LDB3: variants seen among roughly 807,000 people sequenced by gnomAD.
The protein encoded by LDB3 is LIM domain binding 3.
LDB3 carries 49 observed loss-of-function variants against 69.0 expected under a neutral mutation model. The ratio of observed to expected loss-of-function variants is 0.71; its 90% CI spans 0.56 to 0.90. The LOEUF (loss-of-function observed/expected upper bound fraction) is 0.90, where lower values mean the gene tolerates loss of function less well. LDB3 is among the 40% of genes least tolerant of loss of function. The probability of loss-of-function intolerance (pLI) is 0.00; values close to 1 mark genes in which losing one functional copy is unlikely to be tolerated. For synonymous variants in LDB3, 387 were observed against 396.2 expected, an observed-to-expected ratio of 0.98 and a Z score of 0.28; for missense variants, 928 against 974.1, an observed-to-expected ratio of 0.95 and a Z score of 0.63.
intron 13 of LDB3, among the ~76,000 whole-genome samples, chr10:86,729,377 C>T (rs1452301522): frequency 3.9e-5 from 6 of 152,218 alleles, no homozygotes; most frequent in Non-Finnish European, 8.8e-5. Flanking sequence ...AAGGGTCCGA[C>T]CTTAGTGGAG....
chr10:86,731,839 C>CT (rs35644119), intron 13 of LDB3, among the ~76,000 whole-genome samples: 36 of 145,958 alleles, frequency 2.5e-4, no homozygotes, highest in South Asian at 8.7e-4. Context: ...TGATTGAATA[C>CT]TTTTTTTTTT....
intron 13 of LDB3, chr10:86,732,454 G>A: frequency 2.2e-6 from 1 of 454,580 alleles, no homozygotes; most frequent in East Asian, 7.0e-5. Flanking sequence ...CATAGTGGGA[G>A]AAATAGGCTG....
At chr10:86,695,756 T>C (rs1845967633) in intron 7 of LDB3, among the ~76,000 whole-genome samples, 1 of 152,132 alleles carries the variant, frequency 6.6e-6, no homozygotes, top group African/African-American at 2.4e-5. Context: ...AGGGCCCTGA[T>C]CACTCAAAAG....
At chr10:86,716,920 C>T (rs1846900785) in intron 10 of LDB3, 149 bp downstream of exon 10, 1 of 834,198 alleles carries the variant, frequency 1.2e-6, no homozygotes, top group African/African-American at 1.7e-5. Context: ...GCCATCTGGT[C>T]TTACCTCTCT....
chr10:86,693,402 G>A (rs1448983871), intron 7 of LDB3, among the ~76,000 whole-genome samples: 3 of 152,248 alleles, frequency 2.0e-5, no homozygotes, highest in Admixed American at 6.5e-5. Context: ...CAGCCTCTGT[G>A]CAAGGGGCTG....
chr10:86,689,421 C>T lies in LDB3; in HGVS notation c.690-2475C>T, dbSNP rs549902681. ...TCCTCACACCCACCTGTCAGCCAAA[C>T]GACATCCCTTGCAGCCTTTACAGGC... is the stretch of plus-strand genomic sequence containing the variant. On this transcript the variant is annotated intron_variant, in intron 5 of 13. Coordinates refer to ENST00000361373, the MANE Select transcript of LDB3 (RefSeq NM_007078.3). 8.5e-5 allele frequency among the ~76,000 whole-genome samples: 13 copies of T among 152,316 alleles called. No individual in the cohort carries two copies. The South Asian group carries it at 2.7e-3, about 32-fold the overall frequency.
Position 86,710,380 on chromosome 10 carries a change from G to A in LDB3, c.1231+330G>A, listed in dbSNP as rs551716778. 72 of 466,502 alleles carry A rather than the reference G, an allele frequency of 1.5e-4. No individual in the cohort carries two copies. In the Admixed American group the frequency reaches 1.9e-3, roughly 12 times the overall value. 28.9% of individuals were successfully genotyped at this position (466,502 alleles called of 1,614,324 possible). On this transcript the variant is annotated intron_variant, in intron 9 of 13. Transcript: ENST00000361373. ...TGGGGCAGGAGGATCGCCTGAGGTC[G>A]GGAGTTTGAGACCGCCGGGGCCAAC... is the stretch of plus-strand genomic sequence containing the variant.
intron 13 of LDB3, among the ~76,000 whole-genome samples, chr10:86,732,223 G>T (rs1446887316): frequency 1.3e-5 from 2 of 151,676 alleles, no homozygotes; most frequent in East Asian, 3.9e-4. Context: ...GTTTACTAAT[G>T]ATTTTCTTTA....
At position 86,718,621 on chromosome 10, in the gene LDB3, T is replaced by TG. The variant is rs1209448742; in HGVS notation, c.1858-105dup. 7 of 1,488,876 alleles carry TG rather than the reference T, an allele frequency of 4.7e-6. No homozygotes were observed. In the Admixed American group the frequency reaches 1.2e-4, roughly 25 times the overall value. The allele number at this position is 1,488,876 out of a possible 1,614,324, so 92.2% of individuals were successfully genotyped here. ...CCAAGGCCTGCATCCTGAGATCTCC[T>TG]GCCCTGTTCCCTGGTAGGATGCTCG... On this transcript the variant is annotated intron_variant, in intron 11 of 13. Transcript: ENST00000361373.
chr10:86,735,976 G>T lies in LDB3; in HGVS notation c.*3000G>T, dbSNP rs975312070. Reference sequence around the variant, plus strand: ...CAGAAGTGGAATGTAGCCTGTTAAAGGTGTGCACAAAAATATTTTGCATGT... The same window carrying T: ...CAGAAGTGGAATGTAGCCTGTTAAATGTGTGCACAAAAATATTTTGCATGT... On this transcript the variant is annotated 3_prime_UTR_variant, in exon 14 of 14. Coordinates refer to ENST00000361373, the MANE Select transcript of LDB3 (RefSeq NM_007078.3). The T allele has an allele frequency of 6.6e-6, 1 of 151,326 alleles. No individual in the cohort carries two copies. 9.4% of individuals were successfully genotyped at this position (151,326 alleles called of 1,614,324 possible). A position where few individuals can be genotyped will look rare whatever the true frequency, so the allele number is the denominator to read the frequency against.
rs1261515174 is a variant in LDB3, at chr10:86,668,757, C to A, written c.66C>A (p.Asp22Glu). The stretch of plus-strand genomic sequence containing the variant: ...GCTTCCGTCTGCAGGGGGGCAAGGA[C>A]TTCAACATGCCCCTCACTATCTCCC... ...PWGFRLQGGK[D>E]FNMPLTISRI... The change falls in exon 2 of 14, where the codon GAC becomes GAA. Residue 22 changes from aspartate (D) to glutamate (E), a missense_variant. By Grantham distance (45) the Asp-to-Glu change is conservative. Coordinates refer to ENST00000361373, the MANE Select transcript of LDB3 (RefSeq NM_007078.3). The A allele has an allele frequency of 1.9e-6, 3 of 1,613,212 alleles. No homozygotes were observed. Among genetic ancestry groups the A allele is most frequent in the Non-Finnish European group, 2.5e-6 (3 of 1,179,918 alleles).
intron 9 of LDB3, among the ~76,000 whole-genome samples, chr10:86,715,089 AAG>A (rs1205869453): frequency 5.3e-5 from 8 of 151,988 alleles, no homozygotes; most frequent in Admixed American, 1.3e-4. Context: ...CCAGGTGGGA[AAG>A]AGAGACTGGA....
intron 9 of LDB3, among the ~76,000 whole-genome samples, chr10:86,711,767 G>A (rs1407442552): frequency 6.7e-6 from 1 of 149,816 alleles, no homozygotes; most frequent in African/African-American, 2.4e-5. Context: ...GGAGGGGGCG[G>A]GCGGCGGCGG....
intron 13 of LDB3, among the ~76,000 whole-genome samples, chr10:86,729,377 C>A (rs1452301522): frequency 6.6e-6 from 1 of 152,218 alleles, no homozygotes; most frequent in Non-Finnish European, 1.5e-5. Context: ...AAGGGTCCGA[C>A]CTTAGTGGAG....
At position 86,692,519 on chromosome 10, in the gene LDB3, T is replaced by G; in HGVS notation, c.860-16T>G. ...GTCTCCCGTGAGTCCCCTGACCAGC[T>G]CCTTTCTACCAACAGTGCAAGACCC... On this transcript the variant is annotated splice_polypyrimidine_tract_variant and intron_variant, in intron 6 of 13. Transcript: ENST00000361373. 6.2e-7 allele frequency: 1 copy of G among 1,614,006 alleles called. No individual in the cohort carries two copies. Among genetic ancestry groups the G allele is most frequent in the Non-Finnish European group, 8.5e-7 (1 of 1,179,858 alleles).
At chr10:86,674,874 C>T (rs1744170808) in intron 2 of LDB3, among the ~76,000 whole-genome samples, 1 of 152,160 alleles carries the variant, frequency 6.6e-6, no homozygotes, top group South Asian at 2.1e-4. Context: ...CCCCTCCAAC[C>T]CACCCAGGCA....
intron 2 of LDB3, among the ~76,000 whole-genome samples, chr10:86,669,396 C>T (rs1032613262): frequency 2.0e-5 from 3 of 152,208 alleles, no homozygotes; most frequent in Non-Finnish European, 4.4e-5. Flanking sequence ...GTCTTGTTCC[C>T]CACAAGTGCT....
At chr10:86,680,814 T>G (rs1179948650) in intron 4 of LDB3, among the ~76,000 whole-genome samples, 2 of 152,104 alleles carry the variant, frequency 1.3e-5, no homozygotes, top group Non-Finnish European at 2.9e-5. Flanking sequence ...TGTGAACTGA[T>G]AGTGACCCCA....
chr10:86,711,519 A>G (rs61857119), intron 9 of LDB3, among the ~76,000 whole-genome samples: 29,678 of 151,748 alleles, frequency 0.2, 3,535 homozygotes, highest in East Asian at 0.61. Flanking sequence ...GGCGGCTGGC[A>G]GGCGGCCCCG....
Sources: gnomAD v4.1 joint callset for allele counts (sites outside exome capture counted in the v4.1 genomes callset) on GRCh38, gnomAD v4.1.1 for gene constraint, MANE v1.5 for transcripts, NCBI Gene and HGNC (gene_info 2026-07-23, HGNC 2026-07-21) for gene names.